Variants in ZBTB20 observed in about 807,000 individuals in gnomAD.
ZBTB20 encodes zinc finger and BTB domain-containing protein 20.
Under a neutral mutation model 56.9 loss-of-function variants are expected in ZBTB20, and 9 were observed. The observed-to-expected ratio is 0.16, with a 90% CI of 0.10 to 0.28. The LOEUF (loss-of-function observed/expected upper bound fraction) is 0.28. Ranked by LOEUF, ZBTB20 falls within the 10% of genes least tolerant of loss-of-function variation. The pLI is 1.00. For missense variants in ZBTB20, 655 were observed against 1,003.0 expected (o/e 0.65, Z 4.69); for synonymous variants, 417 against 420.7 (o/e 0.99, Z 0.11).
chr3:114,753,214 AT>A (rs140660195), intron 5 of ZBTB20, among the ~76,000 whole-genome samples: 2,106 of 149,232 alleles, frequency 0.014, 71 homozygotes, highest in African/African-American at 0.048. Context: ...AATGAAGCAT[AT>A]TTTTTATATA....
intron 10 of ZBTB20, among the ~76,000 whole-genome samples, chr3:114,363,534 T>C (rs1484119210): frequency 6.6e-6 from 1 of 152,188 alleles, no homozygotes; most frequent in Non-Finnish European, 1.5e-5. Context: ...CATTTCACAT[T>C]TGAAGACAAA....
chr3:114,362,881 A>G (rs1365364193), intron 10 of ZBTB20, among the ~76,000 whole-genome samples: 2 of 152,214 alleles, frequency 1.3e-5, no homozygotes, highest in Non-Finnish European at 2.9e-5. Context: ...GCTTGGTAAC[A>G]GATGTTACAG....
intron 7 of ZBTB20, among the ~76,000 whole-genome samples, chr3:114,475,951 TGAA>T (rs1365131029): frequency 1.3e-5 from 2 of 152,144 alleles, no homozygotes; most frequent in African/African-American, 4.8e-5. Flanking sequence ...CCTTTATTAA[TGAA>T]GAAATTCATA....
intron 6 of ZBTB20, chr3:114,520,211 C>CT (rs1278076398): frequency 6.6e-5 from 10 of 152,032 alleles, no homozygotes. Flanking sequence ...TAACAGGAGT[C>CT]TCTTTAAATA....
At chr3:114,493,565 C>A (rs2042968903) in intron 7 of ZBTB20, among the ~76,000 whole-genome samples, 1 of 152,106 alleles carries the variant, frequency 6.6e-6, no homozygotes, top group South Asian at 2.1e-4. Flanking sequence ...TGCTAGTCAC[C>A]TTTTTCTCTC....
At chr3:114,436,115 C>T (rs1208986939) in intron 7 of ZBTB20, among the ~76,000 whole-genome samples, 1 of 152,202 alleles carries the variant, frequency 6.6e-6, no homozygotes, top group Admixed American at 6.5e-5. Context: ...GCAACAAATA[C>T]TATTAAATTG....
At chr3:114,807,846 G>A (rs2072232033) in intron 4 of ZBTB20, among the ~76,000 whole-genome samples, 1 of 152,060 alleles carries the variant, frequency 6.6e-6, no homozygotes, top group African/African-American at 2.4e-5. Context: ...TAAATCCTCT[G>A]TGGTCAGCAC....
chr3:114,764,613 A>G (rs925148190), intron 5 of ZBTB20, among the ~76,000 whole-genome samples: 2 of 152,164 alleles, frequency 1.3e-5, no homozygotes, highest in African/African-American at 2.4e-5. Context: ...TAAAAATCCA[A>G]TTTCACATCT....
intron 6 of ZBTB20, among the ~76,000 whole-genome samples, chr3:114,597,351 G>T (rs1486975509): frequency 6.6e-6 from 1 of 152,124 alleles, no homozygotes; most frequent in Non-Finnish European, 1.5e-5. Context: ...GTGAGCCATG[G>T]TTATAACTAG....
rs1270808099 is a variant in ZBTB20, at chr3:114,948,554, A to G, written c.-456+25812T>C. ...GAACCCACAAAGTCTAATAGAATTA[A>G]TAAGTAAATTTAGCAAGATTCCTGG... On this transcript the variant is annotated intron_variant, in intron 3 of 11. Transcript: ENST00000675478. Among the ~76,000 whole-genome samples, 3 of 146,196 alleles carry G rather than the reference A, an allele frequency of 2.1e-5. 1 individual carries two copies. Among genetic ancestry groups the G allele is most frequent in the African/African-American group, 5.6e-5 (2 of 35,936 alleles).
intron 6 of ZBTB20, among the ~76,000 whole-genome samples, chr3:114,537,176 G>T (rs571105589): frequency 4.6e-5 from 7 of 152,282 alleles, no homozygotes; most frequent in Non-Finnish European, 8.8e-5. Context: ...CACAGCAAAA[G>T]AAACTATCAT....
At chr3:115,096,477 C>T (rs2083383723) in intron 1 of ZBTB20, among the ~76,000 whole-genome samples, 1 of 152,152 alleles carries the variant, frequency 6.6e-6, no homozygotes, top group Admixed American at 6.5e-5. Flanking sequence ...AAAGTGACCT[C>T]CAAGATAAAC....
intron 6 of ZBTB20, among the ~76,000 whole-genome samples, chr3:114,549,433 T>C (rs2050283985): frequency 6.6e-6 from 1 of 152,236 alleles, no homozygotes; most frequent in Admixed American, 6.5e-5. Flanking sequence ...AAATGTTCAA[T>C]GTATATCTTT....
Position 114,326,605 on chromosome 3 carries a change from C to G in ZBTB20, c.*12400G>C, listed in dbSNP as rs375368517. The G allele has an allele frequency of 6.6e-6, 1 of 151,334 alleles. No individual in the cohort carries two copies. Among genetic ancestry groups the G allele is most frequent in the Non-Finnish European group, 1.5e-5 (1 of 67,872 alleles). 9.4% of individuals were successfully genotyped at this position (151,334 alleles called of 1,614,324 possible). ...CAAATTAAGAAATAAAAATCCTTTA[C>G]TATCTTGAGAAGAAAGAAAGGGAAA... is the stretch of plus-strand genomic sequence containing the variant. On this transcript the variant is annotated 3_prime_UTR_variant, in exon 12 of 12. Coordinates refer to ENST00000675478, the MANE Select transcript of ZBTB20 (RefSeq NM_001348800.3).
intron 2 of ZBTB20, among the ~76,000 whole-genome samples, chr3:115,046,244 CA>C (rs2081328228): frequency 6.6e-6 from 1 of 152,046 alleles, no homozygotes; most frequent in African/African-American, 2.4e-5. Flanking sequence ...ATATTACACA[CA>C]AACCTAAAAC....
At chr3:114,959,664 C>A (rs1179038296) in intron 3 of ZBTB20, among the ~76,000 whole-genome samples, 3 of 149,968 alleles carry the variant, frequency 2.0e-5, no homozygotes, top group African/African-American at 4.9e-5. Flanking sequence ...AGGTCAAAAA[C>A]AAAAGATATA....
At chr3:115,137,156 A>C (rs2084672539) in intron 1 of ZBTB20, among the ~76,000 whole-genome samples, 2 of 152,116 alleles carry the variant, frequency 1.3e-5, no homozygotes, top group Non-Finnish European at 2.9e-5. Flanking sequence ...AGAAAATATC[A>C]GATATTCTCA....
At chr3:114,790,412 C>T (rs560462408) in intron 5 of ZBTB20, among the ~76,000 whole-genome samples, 18 of 152,042 alleles carry the variant, frequency 1.2e-4, no homozygotes, top group South Asian at 4.2e-4. Flanking sequence ...TATAAACATA[C>T]GCAACATATT....
chr3:114,614,737 T>TTTTGTTTGTTTG (rs141944007), intron 6 of ZBTB20, among the ~76,000 whole-genome samples: 6 of 150,650 alleles, frequency 4.0e-5, no homozygotes, highest in Non-Finnish European at 8.9e-5. Context: ...TGGCCACTTT[T>TTTTGTTTGTTTG]TTTGTTTGTT....
Sources: allele counts gnomAD v4.1 joint callset (sites outside exome capture counted in the v4.1 genomes callset), GRCh38; gene constraint gnomAD v4.1.1; transcripts MANE v1.5; gene names NCBI Gene and HGNC (gene_info 2026-07-23, HGNC 2026-07-21).